Variants in CNNM1 observed in about 807,000 individuals in gnomAD.
The protein encoded by CNNM1 is metal transporter CNNM1.
CNNM1 carries 44 observed loss-of-function variants against 78.8 expected under a neutral mutation model. That is an observed-to-expected ratio of 0.56 (90% CI 0.44 to 0.72). CNNM1 has a LOEUF of 0.72. Among genes scored for constraint, CNNM1 ranks in the 30% least tolerant of loss-of-function variants. The pLI is 0.00. For missense variants in CNNM1, 1,101 were observed against 1,292.2 expected (o/e 0.85, Z 2.27); for synonymous variants, 584 against 581.5 (o/e 1.00, Z -0.06).
At position 99,390,457 on chromosome 10, in the gene CNNM1, G is replaced by A. The variant is rs776592130; in HGVS notation, c.2776+50G>A. The A allele has an allele frequency of 6.7e-6, 9 of 1,337,194 alleles. No homozygotes were observed. The Admixed American group carries it at 1.7e-4, about 25-fold the overall frequency. 82.8% of individuals were successfully genotyped at this position (1,337,194 alleles called of 1,614,324 possible). Reference sequence around the variant, plus strand: ...ATGAGAGCCACCCTGCTGATGGTTAGTAGGAAAAGCATGTTAGCATCTTCC... The same window carrying A: ...ATGAGAGCCACCCTGCTGATGGTTAATAGGAAAAGCATGTTAGCATCTTCC... On this transcript the variant is annotated intron_variant, in intron 10 of 10. Coordinates refer to ENST00000356713, the MANE Select transcript of CNNM1 (RefSeq NM_020348.3).
intron 7 of CNNM1, among the ~76,000 whole-genome samples, chr10:99,385,058 A>G (rs969749128): frequency 2.0e-5 from 3 of 152,034 alleles, no homozygotes. Context: ...ATCTCAAAAA[A>G]AAAAAAAAAT....
intron 1 of CNNM1, among the ~76,000 whole-genome samples, chr10:99,334,512 G>A (rs1247262386): frequency 6.6e-6 from 1 of 152,114 alleles, no homozygotes; most frequent in Non-Finnish European, 1.5e-5. Context: ...AATTAGCCAG[G>A]TGTGGTGGCA....
intron 1 of CNNM1, among the ~76,000 whole-genome samples, chr10:99,341,213 A>T (rs1187475959): frequency 6.6e-6 from 1 of 152,068 alleles, no homozygotes; most frequent in Non-Finnish European, 1.5e-5. Flanking sequence ...ACAGGAACAG[A>T]CATGCAAAGG....
intron 1 of CNNM1, among the ~76,000 whole-genome samples, chr10:99,339,322 G>A (rs1353049228): frequency 6.6e-6 from 1 of 152,210 alleles, no homozygotes; most frequent in Non-Finnish European, 1.5e-5. Context: ...TGGTGAGCTA[G>A]GCAGACATTA....
At chr10:99,369,827 G>T (rs901808321) in intron 6 of CNNM1, among the ~76,000 whole-genome samples, 3 of 152,118 alleles carry the variant, frequency 2.0e-5, no homozygotes, top group African/African-American at 7.2e-5. Flanking sequence ...GCCCTCACCA[G>T]CTAAATGGTC....
At chr10:99,386,214 A>T (rs2032297518) in intron 7 of CNNM1, among the ~76,000 whole-genome samples, 1 of 152,218 alleles carries the variant, frequency 6.6e-6, no homozygotes, top group Non-Finnish European at 1.5e-5. Context: ...TTTAGAAGAA[A>T]AAAACCAAAA....
chr10:99,333,581 G>A (rs2030030245), intron 1 of CNNM1, among the ~76,000 whole-genome samples: 1 of 152,148 alleles, frequency 6.6e-6, no homozygotes, highest in South Asian at 2.1e-4. Flanking sequence ...CCGACCTCAG[G>A]TGATCCACCT....
chr10:99,363,310 A>T (rs2031500158), intron 4 of CNNM1, among the ~76,000 whole-genome samples: 1 of 152,212 alleles, frequency 6.6e-6, no homozygotes, highest in African/African-American at 2.4e-5. Flanking sequence ...TTCTCCAAAA[A>T]ATGTAGTCAT....
chr10:99,360,680 C>T (rs2031398391), intron 2 of CNNM1, among the ~76,000 whole-genome samples, 155 bp from the exon 3 acceptor site: 1 of 152,132 alleles, frequency 6.6e-6, no homozygotes, highest in South Asian at 2.1e-4. Flanking sequence ...TTGTCTATCC[C>T]TCACCAACAT....
intron 6 of CNNM1, among the ~76,000 whole-genome samples, chr10:99,367,676 A>G (rs906710963): frequency 2.0e-5 from 3 of 152,250 alleles, no homozygotes; most frequent in African/African-American, 7.2e-5. Flanking sequence ...GCAAAGGATT[A>G]TCAGGTAGGT....
chr10:99,378,597 C>T lies in CNNM1; in HGVS notation c.2340+1379C>T, dbSNP rs2032049492. 3.3e-5 allele frequency among the ~76,000 whole-genome samples: 5 copies of T among 152,270 alleles called. No individual in the cohort carries two copies. The South Asian group carries it at 1.0e-3, about 32-fold the overall frequency. The stretch of plus-strand genomic sequence containing the variant: ...AATGTTGCCAGAGGGAGGGATGGAA[C>T]CTGGGGGATGGGGTGAGACAATAAC... On this transcript the variant is annotated intron_variant, in intron 7 of 10. Transcript: ENST00000356713.
At chr10:99,345,807 G>A (rs186636216) in intron 1 of CNNM1, among the ~76,000 whole-genome samples, 88 of 152,084 alleles carry the variant, frequency 5.8e-4, no homozygotes, top group African/African-American at 1.5e-3. Flanking sequence ...ATTTATTGGC[G>A]GAGTATTCTT....
intron 1 of CNNM1, among the ~76,000 whole-genome samples, chr10:99,341,912 T>C (rs1432853194): frequency 6.6e-6 from 1 of 152,228 alleles, no homozygotes. Flanking sequence ...TATAACTTAA[T>C]CTTTTCTTGA....
Position 99,392,213 on chromosome 10 carries a change from C to G in CNNM1, c.*697C>G, listed in dbSNP as rs1443769685. The G allele has an allele frequency of 6.6e-6, 1 of 152,266 alleles. No individual in the cohort carries two copies. Among genetic ancestry groups the G allele is most frequent in the Non-Finnish European group, 1.5e-5 (1 of 68,108 alleles). 9.4% of individuals were successfully genotyped at this position (152,266 alleles called of 1,614,324 possible). ...ATGGAACCTCAAGTCACTGTTTTTA[C>G]CAGGGACACATCTGTTTTGGCTCCC... On this transcript the variant is annotated 3_prime_UTR_variant, in exon 11 of 11. Coordinates refer to ENST00000356713, the MANE Select transcript of CNNM1 (RefSeq NM_020348.3).
At position 99,391,828 on chromosome 10, in the gene CNNM1, A is replaced by G. The variant is rs2032481672; in HGVS notation, c.*312A>G. Reference sequence around the variant, plus strand: ...TGCAAGCTGACAATGCCACTCTGGGACCCCTGATGCTCTTCTTTGTTCTTT... The same window carrying G: ...TGCAAGCTGACAATGCCACTCTGGGGCCCCTGATGCTCTTCTTTGTTCTTT... On this transcript the variant is annotated 3_prime_UTR_variant, in exon 11 of 11. Coordinates refer to ENST00000356713, the MANE Select transcript of CNNM1 (RefSeq NM_020348.3). The G allele has an allele frequency of 7.1e-6, 2 of 280,104 alleles. No individual in the cohort carries two copies. Among genetic ancestry groups the G allele is most frequent in the Admixed American group, 4.8e-5 (1 of 20,652 alleles). 17.4% of individuals were successfully genotyped at this position (280,104 alleles called of 1,614,324 possible). A position where few individuals can be genotyped will look rare whatever the true frequency, so the allele number is the denominator to read the frequency against.
chr10:99,374,836 A>G (rs1259521250), intron 6 of CNNM1, among the ~76,000 whole-genome samples: 2 of 152,216 alleles, frequency 1.3e-5, no homozygotes, highest in Non-Finnish European at 2.9e-5. Context: ...CTCTGCCCTC[A>G]TGGAATTAAA....
At chr10:99,333,903 T>C (rs1001731718) in intron 1 of CNNM1, among the ~76,000 whole-genome samples, 2 of 152,226 alleles carry the variant, frequency 1.3e-5, no homozygotes, top group African/African-American at 4.8e-5. Context: ...TAGTGTTCTA[T>C]TAATAGCTAC....
chr10:99,354,695 C>T (rs889111846), intron 1 of CNNM1, among the ~76,000 whole-genome samples: 2 of 151,960 alleles, frequency 1.3e-5, no homozygotes, highest in Non-Finnish European at 2.9e-5. Context: ...TGGGCTAGAG[C>T]TCAAAGTTGG....
rs1008473370 is a variant in CNNM1, at chr10:99,392,961, C to A, written c.*1445C>A. 6.8e-6 allele frequency: 1 copy of A among 146,586 alleles called. No homozygotes were observed. Among genetic ancestry groups the A allele is most frequent in the Non-Finnish European group, 1.5e-5 (1 of 66,536 alleles). The allele number at this position is 146,586 out of a possible 1,614,324, so 9.1% of individuals were successfully genotyped here. A position where few individuals can be genotyped will look rare whatever the true frequency, so the allele number is the denominator to read the frequency against. ...CAACAGAGCGAGACTCTGTCTCCCC[C>A]CGCAAAAAAAAAAAAGAAAGAAAGA... On this transcript the variant is annotated 3_prime_UTR_variant, in exon 11 of 11. Transcript: ENST00000356713.
Sources: allele counts gnomAD v4.1 joint callset (sites outside exome capture counted in the v4.1 genomes callset), GRCh38; gene constraint gnomAD v4.1.1; transcripts MANE v1.5; gene names NCBI Gene and HGNC (gene_info 2026-07-23, HGNC 2026-07-21).